The following STK3 variants were observed in gnomAD, a reference collection of about 807,000 sequenced individuals.
The protein encoded by STK3 is serine/threonine-protein kinase 3.
A neutral mutation model predicts 58.0 loss-of-function variants in STK3; 41 were observed. The ratio of observed to expected loss-of-function variants is 0.71; its 90% CI spans 0.55 to 0.92. The LOEUF (loss-of-function observed/expected upper bound fraction) is 0.92, where lower values mean the gene tolerates loss of function less well. STK3 is among the 40% of genes least tolerant of loss of function. The pLI, the probability that STK3 is intolerant of heterozygous loss-of-function variation, is 0.00. For synonymous variants in STK3, 170 were observed against 191.0 expected, an observed-to-expected ratio of 0.89 and a Z score of 0.91; for missense variants, 479 against 602.7, an observed-to-expected ratio of 0.79 and a Z score of 2.15.
chr8:98,667,261 G>A (rs1822433944), intron 6 of STK3, among the ~76,000 whole-genome samples: 1 of 152,092 alleles, frequency 6.6e-6, no homozygotes, highest in Admixed American at 6.6e-5. Flanking sequence ...TATTTAGTCA[G>A]TAAAAGGATA....
At chr8:98,538,255 T>C (rs531518990) in intron 9 of STK3, among the ~76,000 whole-genome samples, 1 of 152,264 alleles carries the variant, frequency 6.6e-6, no homozygotes, top group Admixed American at 6.5e-5. Flanking sequence ...AAGAGTATAG[T>C]GAATACATAT....
At chr8:98,788,155 G>C (rs1832584562) in intron 1 of STK3, among the ~76,000 whole-genome samples, 1 of 152,050 alleles carries the variant, frequency 6.6e-6, no homozygotes, top group African/African-American at 2.4e-5. Context: ...AAAAGATACA[G>C]AACTGGCCGG....
Position 98,382,973 on chromosome 8 carries a change from TC to T in STK3, n.57-3767del, listed in dbSNP as rs373522052. On this transcript the variant is annotated intron_variant and non_coding_transcript_variant, in intron 1 of 2. Coordinates refer to the STK3 transcript ENST00000518704. ...GAGGAAAGAAATCCAGGCCCCAAGG[TC>T]CCCTCCTTACTCTGGGAACCTTCTC... Among the ~76,000 whole-genome samples the T allele has an allele frequency of 3.6e-4, 55 of 152,034 alleles. 1 individual carries two copies. The East Asian group carries it at 9.7e-3, about 27-fold the overall frequency.
chr8:98,775,662 C>A (rs1001061035), intron 1 of STK3, among the ~76,000 whole-genome samples: 16 of 152,272 alleles, frequency 1.1e-4, no homozygotes, highest in African/African-American at 3.9e-4. Context: ...TGGGAAATGT[C>A]TTACAAAAGA....
chr8:98,670,777 G>A (rs1195459826), intron 6 of STK3, among the ~76,000 whole-genome samples: 1 of 152,178 alleles, frequency 6.6e-6, no homozygotes, highest in Non-Finnish European at 1.5e-5. Context: ...ACCCAACTTC[G>A]AGTGAGAGAC....
At chr8:98,861,669 C>T (rs751301798) in intron 3 of STK3, among the ~76,000 whole-genome samples, 1 of 152,110 alleles carries the variant, frequency 6.6e-6, no homozygotes, top group Non-Finnish European at 1.5e-5. Flanking sequence ...GATATTTAGT[C>T]TTCAAGAGGT....
At chr8:98,404,512 C>G (rs1817974565) in intron 3 of STK3, among the ~76,000 whole-genome samples, 1 of 151,960 alleles carries the variant, frequency 6.6e-6, no homozygotes, top group Non-Finnish European at 1.5e-5. Context: ...AACCCCGTCT[C>G]TACTAAAAAA....
downstream of STK3, among the ~76,000 whole-genome samples, chr8:98,399,647 T>G (rs1157476686): frequency 6.6e-6 from 1 of 152,196 alleles, no homozygotes; most frequent in African/African-American, 2.4e-5. Flanking sequence ...TTAGACGATC[T>G]CTGAGGTCTT....
chr8:98,655,764 T>G (rs1021372113), intron 6 of STK3, among the ~76,000 whole-genome samples: 4 of 151,832 alleles, frequency 2.6e-5, no homozygotes, highest in African/African-American at 9.7e-5. Flanking sequence ...ATCAGAGAAA[T>G]GCAAATCAAA....
At chr8:98,527,470 A>AG (rs1825834989) in intron 9 of STK3, among the ~76,000 whole-genome samples, 3 of 152,012 alleles carry the variant, frequency 2.0e-5, no homozygotes, top group Non-Finnish European at 4.4e-5. Context: ...AATACAAAAA[A>AG]TTAGCCAGGT....
intron 3 of STK3, among the ~76,000 whole-genome samples, chr8:98,849,088 T>C (rs1465240824): frequency 6.6e-6 from 1 of 151,846 alleles, no homozygotes; most frequent in Non-Finnish European, 1.5e-5. Flanking sequence ...TAGCTGGGCG[T>C]GGTGGCTGGC....
chr8:98,845,805 A>C (rs1228546978), intron 3 of STK3, among the ~76,000 whole-genome samples: 1 of 152,230 alleles, frequency 6.6e-6, no homozygotes, highest in Non-Finnish European at 1.5e-5. Flanking sequence ...TTGCTGCAGA[A>C]TGATTGGAAG....
chr8:98,727,778 A>G (rs1827885740), intron 4 of STK3, among the ~76,000 whole-genome samples: 1 of 152,174 alleles, frequency 6.6e-6, no homozygotes, highest in East Asian at 1.9e-4. Context: ...TCATTTTCCT[A>G]CTAGCACCTC....
At chr8:98,372,748 G>A (rs2130991089) in intron 2 of STK3, among the ~76,000 whole-genome samples, 1 of 152,188 alleles carries the variant, frequency 6.6e-6, no homozygotes, top group East Asian at 1.9e-4. Context: ...CCAGGAGGAG[G>A]CAGAGCAGGA....
At chr8:98,363,565 T>C in the STK3 span, among the ~76,000 whole-genome samples, 2 of 152,024 alleles carry the variant, frequency 1.3e-5, no homozygotes, top group Non-Finnish European at 2.9e-5. Flanking sequence ...GTACCAGATA[T>C]GTGCAGGGGA....
In STK3 at chr8:98,573,938, G is replaced by A. The variant is rs183864514; in HGVS notation, c.948+5726C>T. 3.9e-5 allele frequency among the ~76,000 whole-genome samples: 6 copies of A among 152,060 alleles called. No individual in the cohort carries two copies. In the East Asian group the frequency reaches 1.2e-3, roughly 30 times the overall value. On this transcript the variant is annotated intron_variant, in intron 8 of 10. Transcript: ENST00000419617. ...GGAGAGAGAAGCGCCGAGCAAAGAG[G>A]GAAAAGCCCCTTATAAAACCATCAG...
At chr8:98,526,327 T>A (rs534117848) in intron 10 of STK3, 3 of 152,504 alleles carry the variant, frequency 2.0e-5, no homozygotes, top group African/African-American at 7.3e-5. Context: ...AGAAACCAAC[T>A]CATATACTTT....
At chr8:98,801,668 C>T (rs1234536870) in intron 1 of STK3, among the ~76,000 whole-genome samples, 1 of 152,114 alleles carries the variant, frequency 6.6e-6, no homozygotes, top group Non-Finnish European at 1.5e-5. Flanking sequence ...GTCCGAACAT[C>T]AGAGGGAACA....
In STK3 at chr8:98,526,924, T is replaced by A; in HGVS notation, c.1142-7A>T. 2 of 1,528,512 alleles carry A rather than the reference T, an allele frequency of 1.3e-6. No individual in the cohort carries two copies. Among genetic ancestry groups the A allele is most frequent in the Non-Finnish European group, 1.8e-6 (2 of 1,131,964 alleles). The allele number at this position is 1,528,512 out of a possible 1,614,324, so 94.7% of individuals were successfully genotyped here. Reference sequence around the variant, plus strand: ...TGTGGTGAGGTTGCATTTCCTTAGGTAAACAAAGAACATAAGGAAGGTATA... The same window carrying A: ...TGTGGTGAGGTTGCATTTCCTTAGGAAAACAAAGAACATAAGGAAGGTATA... On this transcript the variant is annotated splice_region_variant and splice_polypyrimidine_tract_variant and intron_variant, in intron 9 of 10. Coordinates refer to ENST00000419617, the MANE Select transcript of STK3 (RefSeq NM_006281.4).
Sources: allele counts gnomAD v4.1 joint callset (sites outside exome capture counted in the v4.1 genomes callset), GRCh38; gene constraint gnomAD v4.1.1; transcripts MANE v1.5; gene names NCBI Gene and HGNC (gene_info 2026-07-23, HGNC 2026-07-21).